Variants in CLASP1 observed in about 807,000 individuals in gnomAD.
CLASP1 encodes the protein CLIP-associating protein 1.
In CLASP1, 38 loss-of-function variants were observed where a neutral mutation model predicts 192.3. The observed-to-expected ratio is 0.20, with a 90% CI of 0.15 to 0.26. The LOEUF (loss-of-function observed/expected upper bound fraction) is 0.26, where lower values mean the gene tolerates loss of function less well. CLASP1 is among the 10% of genes least tolerant of loss of function. The pLI is 1.00. For synonymous variants in CLASP1, 691 were observed against 712.8 expected, an observed-to-expected ratio of 0.97 and a Z score of 0.49; for missense variants, 1,433 against 1,932.5, an observed-to-expected ratio of 0.74 and a Z score of 4.85.
chr2:121,488,895 A>G (rs1444999836), intron 8 of CLASP1, among the ~76,000 whole-genome samples: 4 of 152,242 alleles, frequency 2.6e-5, no homozygotes, highest in African/African-American at 7.2e-5. Context: ...TCCAGGTGAT[A>G]GTGACTAAGG....
At chr2:121,370,324 TTTTC>T (rs1362379800) in intron 34 of CLASP1, among the ~76,000 whole-genome samples, 3 of 152,204 alleles carry the variant, frequency 2.0e-5, no homozygotes, top group South Asian at 2.1e-4. Flanking sequence ...CATTCTTCGA[TTTTC>T]TTTCTTTTTT....
chr2:121,530,799 A>G, intron 2 of CLASP1: 1 of 607,452 alleles, frequency 1.6e-6, no homozygotes, highest in South Asian at 1.8e-5. Flanking sequence ...CAGACCGACT[A>G]GGGCGAGGCT....
chr2:121,462,615 A>G lies in CLASP1; in HGVS notation c.866-10T>C. 5 of 1,567,406 alleles carry G rather than the reference A, an allele frequency of 3.2e-6. No homozygotes were observed. Among genetic ancestry groups the G allele is most frequent in the Non-Finnish European group, 4.4e-6 (5 of 1,143,162 alleles). ...GCTCCTTCTTTTGCAGCTGTAAAAA[A>G]GAATTTTAAAAATGTAAACAATATG... On this transcript the variant is annotated splice_polypyrimidine_tract_variant and intron_variant, in intron 9 of 39. Coordinates refer to ENST00000263710, the Ensembl canonical transcript of CLASP1.
At chr2:121,570,047 G>A (rs114835288) in intron 2 of CLASP1, among the ~76,000 whole-genome samples, 21 of 152,272 alleles carry the variant, frequency 1.4e-4, no homozygotes, top group African/African-American at 4.3e-4. Context: ...GAAGATATTT[G>A]CTGTTTTAGT....
intron 8 of CLASP1, among the ~76,000 whole-genome samples, chr2:121,497,345 G>A (rs1249829890): frequency 1.3e-5 from 2 of 152,128 alleles, no homozygotes; most frequent in African/African-American, 2.4e-5. Flanking sequence ...AAAACACTTA[G>A]GGTGGAGCAA....
intron 6 of CLASP1, among the ~76,000 whole-genome samples, chr2:121,516,687 A>G (rs891340001): frequency 2.0e-5 from 3 of 152,220 alleles, no homozygotes; most frequent in African/African-American, 7.2e-5. Context: ...ATAAGAAAAT[A>G]TCTTTGTTAT....
intron 2 of CLASP1, among the ~76,000 whole-genome samples, chr2:121,566,833 C>T (rs528752061): frequency 2.0e-4 from 31 of 152,248 alleles, no homozygotes; most frequent in African/African-American, 7.2e-4. Flanking sequence ...TGAGACACCA[C>T]CATAATTTTT....
At chr2:121,356,655 T>C (rs949017484) in intron 37 of CLASP1, among the ~76,000 whole-genome samples, 1 of 152,242 alleles carries the variant, frequency 6.6e-6, no homozygotes, top group East Asian at 1.9e-4. Context: ...CAACTCTACC[T>C]GATGAGTCTT....
intron 26 of CLASP1, 125 bp from the exon 28 acceptor site, chr2:121,401,995 A>C: frequency 2.1e-6 from 1 of 467,004 alleles, no homozygotes; most frequent in South Asian, 1.6e-5. Context: ...AACCAATGAA[A>C]TATTCTCTCC....
At chr2:121,446,938 C>CCTAA (rs2084455896) in intron 19 of CLASP1, among the ~76,000 whole-genome samples, 1 of 152,188 alleles carries the variant, frequency 6.6e-6, no homozygotes, top group African/African-American at 2.4e-5. Flanking sequence ...CCTAATGACA[C>CCTAA]TGACTACCTT....
intron 37 of CLASP1, among the ~76,000 whole-genome samples, chr2:121,352,496 TTTC>T (rs2064662912): frequency 6.6e-6 from 1 of 152,208 alleles, no homozygotes; most frequent in Non-Finnish European, 1.5e-5. Flanking sequence ...ACGTGTGGCC[TTTC>T]ACTTTTTTAC....
chr2:121,428,580 A>G (rs1465574729), intron 20 of CLASP1, among the ~76,000 whole-genome samples: 1 of 152,136 alleles, frequency 6.6e-6, no homozygotes, highest in African/African-American at 2.4e-5. Context: ...CACGACAGAC[A>G]CTTCTGGGCT....
At chr2:121,450,815 T>C in intron 16 of CLASP1, 98 bp downstream of exon 16, 1 of 807,572 alleles carries the variant, frequency 1.2e-6, no homozygotes, top group Non-Finnish European at 2.0e-6. Context: ...GGTTAACAAA[T>C]ATGTTCAAGT....
chr2:121,623,541 C>T (rs887534508), intron 1 of CLASP1, among the ~76,000 whole-genome samples: 1 of 152,164 alleles, frequency 6.6e-6, no homozygotes, highest in African/African-American at 2.4e-5. Flanking sequence ...CTAATAATGT[C>T]CTCATAGGAT....
intron 7 of CLASP1, among the ~76,000 whole-genome samples, chr2:121,512,744 G>A (rs1255784303): frequency 6.6e-6 from 1 of 152,184 alleles, no homozygotes; most frequent in African/African-American, 2.4e-5. Context: ...TTGCTTGAAT[G>A]GGATTACTAC....
chr2:121,470,571 A>G, intron 8 of CLASP1: 1 of 406,552 alleles, frequency 2.5e-6, no homozygotes, highest in East Asian at 7.2e-5. Flanking sequence ...TACAAGTGAA[A>G]CACTCTTATT....
rs111353131 is a variant in CLASP1 at position 121,628,427 on chromosome 2, G to A, written c.-286+20945C>T. ...ACGATGGCTTACACCTGTAATCCCAGCACTTTGGGAGCCTGAGGTGCGTGG... is the reference window on the plus strand; with the variant it reads ...ACGATGGCTTACACCTGTAATCCCAACACTTTGGGAGCCTGAGGTGCGTGG... On this transcript the variant is annotated intron_variant, in intron 1 of 39. Coordinates refer to ENST00000263710, the Ensembl canonical transcript of CLASP1. Among the ~76,000 whole-genome samples, 187 of 152,242 alleles carry A rather than the reference G, an allele frequency of 1.2e-3. 1 individual carries two copies. Among genetic ancestry groups the A allele is most frequent in the African/African-American group, 4.2e-3 (174 of 41,532 alleles).
chr2:121,391,466 CAT>C (rs911091407), intron 30 of CLASP1, among the ~76,000 whole-genome samples: 3 of 152,212 alleles, frequency 2.0e-5, no homozygotes, highest in African/African-American at 2.4e-5. Flanking sequence ...GCAAGACACA[CAT>C]GATTGAAAGT....
At chr2:121,404,186 G>T in intron 26 of CLASP1, 185 bp downstream of exon 27, 1 of 671,720 alleles carries the variant, frequency 1.5e-6, no homozygotes, top group Non-Finnish European at 1.8e-6. Flanking sequence ...GAAATTTTAT[G>T]CACATTTAAG....
Sources: allele counts gnomAD v4.1 joint callset (sites outside exome capture counted in the v4.1 genomes callset), GRCh38; gene constraint gnomAD v4.1.1; transcripts MANE v1.5; gene names NCBI Gene and HGNC (gene_info 2026-07-23, HGNC 2026-07-21).